The following FNDC3B variants were observed in gnomAD, a reference collection of about 807,000 sequenced individuals.
FNDC3B encodes fibronectin type III domain-containing protein 3B.
FNDC3B carries 12 observed loss-of-function variants against 151.5 expected under a neutral mutation model. The ratio of observed to expected loss-of-function variants is 0.08; its 90% CI spans 0.05 to 0.13. FNDC3B has a LOEUF of 0.13. Among genes scored for constraint, FNDC3B ranks in the 10% least tolerant of loss-of-function variants. The pLI is 1.00. For synonymous variants in FNDC3B, 528 were observed against 549.0 expected (o/e 0.96, Z 0.54); for missense variants, 1,214 against 1,505.3 (o/e 0.81, Z 3.20).
At chr3:172,363,657 T>C (rs1403940851) in intron 23 of FNDC3B, among the ~76,000 whole-genome samples, 1 of 152,176 alleles carries the variant, frequency 6.6e-6, no homozygotes, top group Non-Finnish European at 1.5e-5. Context: ...AGCATTTCTG[T>C]TATTTCCTTT....
intron 15 of FNDC3B, among the ~76,000 whole-genome samples, chr3:172,336,234 A>G (rs1732958584): frequency 6.6e-6 from 1 of 152,208 alleles, no homozygotes. Context: ...AATCTCCGCT[A>G]TGTCTAAGAA....
intron 3 of FNDC3B, among the ~76,000 whole-genome samples, chr3:172,215,609 A>C (rs1049191392): frequency 1.3e-5 from 2 of 152,154 alleles, no homozygotes; most frequent in African/African-American, 4.8e-5. Flanking sequence ...CTGTAATCCC[A>C]GCTACTCGGG....
At chr3:172,053,428 A>G (rs991472873) in intron 1 of FNDC3B, among the ~76,000 whole-genome samples, 4 of 152,160 alleles carry the variant, frequency 2.6e-5, no homozygotes, top group Non-Finnish European at 5.9e-5. Context: ...TACTAAGGCT[A>G]AATATTAGCT....
At chr3:172,171,953 A>G (rs1274124902) in intron 3 of FNDC3B, among the ~76,000 whole-genome samples, 1 of 152,190 alleles carries the variant, frequency 6.6e-6, no homozygotes, top group African/African-American at 2.4e-5. Flanking sequence ...TGTTTGTAGC[A>G]AAATAGGTAT....
At chr3:172,152,637 G>A (rs114481444) in intron 3 of FNDC3B, among the ~76,000 whole-genome samples, 2,313 of 141,480 alleles carry the variant, frequency 0.016, 42 homozygotes, top group Non-Finnish European at 0.017. Flanking sequence ...TGACATTGGG[G>A]CTGTCTTTTA....
At chr3:172,230,114 G>A (rs762071807) in intron 4 of FNDC3B, among the ~76,000 whole-genome samples, 11 of 152,002 alleles carry the variant, frequency 7.2e-5, no homozygotes, top group Non-Finnish European at 1.5e-4. Context: ...ATGTAACACC[G>A]AAAGCATGAG....
At chr3:172,305,230 C>G (rs575443436) in intron 9 of FNDC3B, among the ~76,000 whole-genome samples, 61 of 152,156 alleles carry the variant, frequency 4.0e-4, no homozygotes, top group African/African-American at 1.4e-3. Flanking sequence ...TCTTCACAAT[C>G]CCGGGACTGT....
In FNDC3B at chr3:172,263,623, A is replaced by G. The variant is rs76524588; in HGVS notation, c.790+12082A>G. Among the ~76,000 whole-genome samples, 1,007 of 132,732 alleles carry G rather than the reference A, an allele frequency of 7.6e-3. 4 individuals are homozygous for G. Among genetic ancestry groups the G allele is most frequent in the South Asian group, 0.012 (50 of 4,036 alleles). The allele number at this position is 132,732 out of a possible 152,430, so 87.1% of individuals were successfully genotyped here. On this transcript the variant is annotated intron_variant, in intron 6 of 25. Transcript: ENST00000415807. ...TTTTTTTTTTTTTTGACACACTGAC[A>G]GCATTCGTATTATTTACTACTTACA...
intron 1 of FNDC3B, among the ~76,000 whole-genome samples, chr3:172,109,409 G>A (rs1037323329): frequency 3.2e-4 from 49 of 150,878 alleles, no homozygotes; most frequent in African/African-American, 1.0e-3. Flanking sequence ...CTCGTGATCC[G>A]CCCGCCTCGG....
At chr3:172,120,913 G>A (rs1276649803) in intron 2 of FNDC3B, among the ~76,000 whole-genome samples, 7 of 151,970 alleles carry the variant, frequency 4.6e-5, no homozygotes, top group Non-Finnish European at 1.0e-4. Flanking sequence ...GCAGTGAGCC[G>A]AGATTGCGCC....
chr3:172,041,787 G>A (rs1418582255), intron 1 of FNDC3B, among the ~76,000 whole-genome samples: 1 of 152,038 alleles, frequency 6.6e-6, no homozygotes, highest in Non-Finnish European at 1.5e-5. Context: ...CTTTTGTGGG[G>A]GCCCTTGGTT....
At chr3:172,363,146 A>G (rs1006867062) in intron 23 of FNDC3B, among the ~76,000 whole-genome samples, 5 of 152,164 alleles carry the variant, frequency 3.3e-5, no homozygotes, top group Admixed American at 2.6e-4. Flanking sequence ...TCAAGTTCAC[A>G]CTATGTAATA....
rs1560088836 is a variant in FNDC3B at position 172,341,128 on chromosome 3, T to C, written c.1868T>C (p.Val623Ala). Residue 623 changes from valine to alanine, a missense_variant, in exon 17 of 26, where the codon GTG (valine) becomes GCG (alanine). Around this residue, in one of 7 missense-constraint regions of FNDC3B, gnomAD observed 380 missense variants for 420.9 expected, o/e 0.90. Coordinates refer to ENST00000415807, the MANE Select transcript of FNDC3B (RefSeq NM_022763.4). Reference sequence around the variant, plus strand: ...TGTTTTACAGCGAATCAGTGGGAAGTGGCCTACAGTGGGTCGGCTACCGAA... The same window carrying C: ...TGTTTTACAGCGAATCAGTGGGAAGCGGCCTACAGTGGGTCGGCTACCGAA... ...DGNSEANQWE[V>A]AYSGSATEYT... The C allele has an allele frequency of 6.2e-7, 1 of 1,613,634 alleles. No homozygotes were observed.
intron 1 of FNDC3B, among the ~76,000 whole-genome samples, chr3:172,093,959 T>G (rs1718974717): frequency 6.6e-6 from 1 of 152,190 alleles, no homozygotes; most frequent in Non-Finnish European, 1.5e-5. Context: ...GGTGTAAAAT[T>G]TAATATTTTT....
chr3:172,330,277 C>T, intron 12 of FNDC3B: 1 of 337,902 alleles, frequency 3.0e-6, no homozygotes, highest in Non-Finnish European at 5.4e-6. Flanking sequence ...CACGTGGACT[C>T]AAGATGCAGA....
intron 1 of FNDC3B, among the ~76,000 whole-genome samples, chr3:172,075,525 G>A (rs1717963481): frequency 6.6e-6 from 1 of 152,064 alleles, no homozygotes. Flanking sequence ...CCTTCTAAAA[G>A]CTGAAGGCTC....
At chr3:172,254,481 T>G (rs916229451) in intron 6 of FNDC3B, among the ~76,000 whole-genome samples, 1 of 152,152 alleles carries the variant, frequency 6.6e-6, no homozygotes, top group African/African-American at 2.4e-5. Context: ...ATAGGGACTG[T>G]ATCTGTTTTA....
intron 11 of FNDC3B, among the ~76,000 whole-genome samples, chr3:172,314,476 C>T (rs1731678135): frequency 6.6e-6 from 1 of 152,220 alleles, no homozygotes; most frequent in South Asian, 2.1e-4. Flanking sequence ...GAGGTTGCCT[C>T]ATCTCCATAT....
At chr3:172,087,177 G>C (rs1020209003) in intron 1 of FNDC3B, among the ~76,000 whole-genome samples, 1 of 152,134 alleles carries the variant, frequency 6.6e-6, no homozygotes, top group African/African-American at 2.4e-5. Flanking sequence ...GAAAAGAATT[G>C]ATTTCCTATT....
Sources: allele counts gnomAD v4.1 joint callset (sites outside exome capture counted in the v4.1 genomes callset), GRCh38; gene constraint gnomAD v4.1.1; regional missense constraint gnomAD v4.1.1; transcripts MANE v1.5; gene names NCBI Gene and HGNC (gene_info 2026-07-23, HGNC 2026-07-21).